Variants in UBE3A observed in about 807,000 individuals in gnomAD.
UBE3A encodes ubiquitin protein ligase E3A.
Under a neutral mutation model 83.4 loss-of-function variants are expected in UBE3A, and 6 were observed. That is an observed-to-expected ratio of 0.07 (90% CI 0.04 to 0.14). UBE3A has a LOEUF of 0.14. Among genes scored for constraint, UBE3A ranks in the 10% least tolerant of loss-of-function variants. UBE3A has a pLI of 1.00. For missense variants in UBE3A, 456 were observed against 1,036.1 expected (o/e 0.44, Z 7.69); for synonymous variants, 337 against 355.4 (o/e 0.95, Z 0.58).
intron 11 of UBE3A, among the ~76,000 whole-genome samples, chr15:25,347,750 C>A (rs1164361630): frequency 6.7e-6 from 1 of 149,926 alleles, no homozygotes; most frequent in Non-Finnish European, 1.5e-5. Context: ...CTAAATAAAT[C>A]AAGGGTCTTA....
At chr15:25,431,544 T>C (rs113707684) in intron 1 of UBE3A, among the ~76,000 whole-genome samples, 2 of 152,268 alleles carry the variant, frequency 1.3e-5, no homozygotes, top group African/African-American at 4.8e-5. Context: ...GGTTTCACCA[T>C]GTTGGCCAGG....
intron 4 of UBE3A, among the ~76,000 whole-genome samples, chr15:25,389,965 A>T (rs901020684): frequency 1.3e-5 from 2 of 152,024 alleles, no homozygotes; most frequent in Non-Finnish European, 2.9e-5. Flanking sequence ...AAAACAAACA[A>T]CCCAATTAAA....
Position 25,357,987 on chromosome 15 carries a change from G to A in UBE3A, c.1754-1091C>T, listed in dbSNP as rs1046395590. 3.7e-5 allele frequency among the ~76,000 whole-genome samples: 5 copies of A among 134,506 alleles called. No individual in the cohort carries two copies. The South Asian group carries it at 1.3e-3, about 35-fold the overall frequency. The allele number at this position is 134,506 out of a possible 152,430, so 88.2% of individuals were successfully genotyped here. A position where few individuals can be genotyped will look rare whatever the true frequency, so the allele number is the denominator to read the frequency against. ...CAGCACTCAGCTTAGTGCAAGCTCC[G>A]CCTCCCGGGTTCATGCCATTCTCTG... On this transcript the variant is annotated intron_variant, in intron 7 of 12. Coordinates refer to ENST00000648336, the MANE Select transcript of UBE3A (RefSeq NM_130839.5).
chr15:25,339,090 C>CT lies in UBE3A; in HGVS notation c.*46dup, dbSNP rs368425414. 656 of 1,456,674 alleles carry CT rather than the reference C, an allele frequency of 4.5e-4. 1 individual carries two copies. The highest frequency in any genetic ancestry group is 2.2e-3 in the Admixed American group (78 of 35,724). 90.2% of individuals were successfully genotyped at this position (1,456,674 alleles called of 1,614,324 possible). ...ATTTTTAAAATTTTTTAAATTTTTT[C>CT]TTTTTTTTTCCTTCCTTTTTTTTGT... On this transcript the variant is annotated 3_prime_UTR_variant, in exon 13 of 13. Transcript: ENST00000648336.
rs997044541 is a variant in UBE3A, at chr15:25,371,348, G to T, written c.826C>A (p.Arg276=). ...AACAAATTCAGATAATTAGGATCTCGAGAGTATACATTGTGATACGTCAAG... is the reference window on the plus strand; with the variant it reads ...AACAAATTCAGATAATTAGGATCTCTAGAGTATACATTGTGATACGTCAAG... ...CDLTYHNVYS[R]DPNYLNLFII... The change falls in exon 6 of 13, where the codon CGA becomes AGA. Residue 276 remains arginine (R), a synonymous_variant. Coordinates refer to ENST00000648336, the MANE Select transcript of UBE3A (RefSeq NM_130839.5). This position sits in a 1 kb window ranked among gnomAD's most constrained non-coding sequence, Gnocchi z 5.3. 3 of 1,613,934 alleles carry T rather than the reference G, an allele frequency of 1.9e-6. No individual in the cohort carries two copies. In the African/African-American group the frequency reaches 4.0e-5, roughly 22 times the overall value.
chr15:25,340,496 G>A lies in UBE3A; in HGVS notation c.2355-268C>T, dbSNP rs2074556741. The stretch of plus-strand genomic sequence containing the variant: ...GAGAAAACCCAAGTGTGTAGTAACA[G>A]GAAGTGACTATTTAAACTATGGTAT... On this transcript the variant is annotated intron_variant, in intron 11 of 12. Transcript: ENST00000648336. 2.0e-5 allele frequency among the ~76,000 whole-genome samples: 3 copies of A among 152,082 alleles called. No individual in the cohort carries two copies. In the South Asian group the frequency reaches 6.2e-4, roughly 32 times the overall value.
At chr15:25,394,577 T>C (rs564052327) in intron 4 of UBE3A, among the ~76,000 whole-genome samples, 2 of 152,320 alleles carry the variant, frequency 1.3e-5, no homozygotes, top group South Asian at 4.1e-4. Flanking sequence ...TATATTTCTA[T>C]GGTCTACTCT....
In UBE3A at chr15:25,335,611, T is replaced by C. The variant is rs933855465; in HGVS notation, c.*3526A>G. ...ATTGAGGAATGAGAGATTTTGATGATTGGGGTGAAGGTTACATTTCTTAAA... is the reference window on the plus strand; with the variant it reads ...ATTGAGGAATGAGAGATTTTGATGACTGGGGTGAAGGTTACATTTCTTAAA... On this transcript the variant is annotated 3_prime_UTR_variant, in exon 13 of 13. Transcript: ENST00000648336. The C allele has an allele frequency of 7.2e-5, 11 of 152,164 alleles. No individual in the cohort carries two copies. The highest frequency in any genetic ancestry group is 1.2e-4 in the African/African-American group (5 of 41,526). 9.4% of individuals were successfully genotyped at this position (152,164 alleles called of 1,614,324 possible).
chr15:25,412,530 A>G (rs930684736), intron 1 of UBE3A, among the ~76,000 whole-genome samples: 2 of 152,176 alleles, frequency 1.3e-5, no homozygotes, highest in Non-Finnish European at 2.9e-5. Context: ...GATAATTATA[A>G]TTTATTAAAT....
chr15:25,413,748 TAA>T (rs761904365), intron 1 of UBE3A, among the ~76,000 whole-genome samples: 5 of 152,202 alleles, frequency 3.3e-5, no homozygotes, highest in Admixed American at 2.6e-4. Context: ...ATTTTTCTTG[TAA>T]AGTTTCCATC....
intron 2 of UBE3A, among the ~76,000 whole-genome samples, chr15:25,410,657 T>C (rs2089802122): frequency 6.6e-6 from 1 of 152,238 alleles, no homozygotes; most frequent in African/African-American, 2.4e-5. Context: ...CCCATACCTA[T>C]GCAGCTATGA....
chr15:25,355,568 T>C (rs1213635083), intron 9 of UBE3A, among the ~76,000 whole-genome samples: 4 of 152,182 alleles, frequency 2.6e-5, no homozygotes, highest in African/African-American at 4.8e-5. Context: ...TGTTCTGTGA[T>C]AAAGACCTTA....
At chr15:25,384,330 G>A (rs13380005) in intron 4 of UBE3A, among the ~76,000 whole-genome samples, 6,701 of 151,520 alleles carry the variant, frequency 0.044, 488 homozygotes, top group African/African-American at 0.15. Context: ...GCTTGGTGGC[G>A]CGCGCCTGTA....
At chr15:25,432,764 A>C (rs1893847293) in intron 1 of UBE3A, among the ~76,000 whole-genome samples, 1 of 152,132 alleles carries the variant, frequency 6.6e-6, no homozygotes, top group African/African-American at 2.4e-5. Flanking sequence ...TTTAAGAAAA[A>C]TTTTATCCTA....
At chr15:25,367,340 T>G (rs918474530) in intron 6 of UBE3A, among the ~76,000 whole-genome samples, 1 of 151,238 alleles carries the variant, frequency 6.6e-6, no homozygotes, top group Non-Finnish European at 1.5e-5. Flanking sequence ...AAATGTAAAT[T>G]TGTAAATATG....
At chr15:25,394,516 A>T (rs2085114513) in intron 4 of UBE3A, among the ~76,000 whole-genome samples, 1 of 152,236 alleles carries the variant, frequency 6.6e-6, no homozygotes, top group Non-Finnish European at 1.5e-5. Context: ...AAATGCTTAT[A>T]GATGTGTAAG....
At chr15:25,436,843 G>T (rs1245000634) in intron 1 of UBE3A, among the ~76,000 whole-genome samples, 2 of 152,148 alleles carry the variant, frequency 1.3e-5, no homozygotes, top group East Asian at 1.9e-4. Flanking sequence ...ACAGTATTTT[G>T]TATCTCTGTA....
At chr15:25,358,145 G>C (rs770440690) in intron 7 of UBE3A, among the ~76,000 whole-genome samples, 2 of 152,022 alleles carry the variant, frequency 1.3e-5, no homozygotes, top group Non-Finnish European at 2.9e-5. Context: ...GCTGAGGCAG[G>C]CAGATCACTT....
In UBE3A at chr15:25,367,334, G is replaced by T. The variant is rs1283504818; in HGVS notation, c.1608+3232C>A. ...TAAATTACATATTTATATTAAAAAT[G>T]TAAATTTGTAAATATGGTTTTACAT... On this transcript the variant is annotated intron_variant, in intron 6 of 12. Transcript: ENST00000648336. Among the ~76,000 whole-genome samples the T allele has an allele frequency of 2.7e-5, 4 of 149,078 alleles. No individual in the cohort carries two copies. The East Asian group carries it at 7.9e-4, about 30-fold the overall frequency.
Sources: allele counts gnomAD v4.1 joint callset (sites outside exome capture counted in the v4.1 genomes callset), GRCh38; gene constraint gnomAD v4.1.1; non-coding constraint Gnocchi (gnomAD v3.1); transcripts MANE v1.5; gene names NCBI Gene and HGNC (gene_info 2026-07-23, HGNC 2026-07-21).